The following WDR7 variants were observed in gnomAD, a reference collection of about 807,000 sequenced individuals.
WDR7 encodes WD repeat-containing protein 7.
WDR7 carries 46 observed loss-of-function variants against 169.4 expected under a neutral mutation model. The observed-to-expected ratio is 0.27, with a 90% CI of 0.21 to 0.35. WDR7 has a LOEUF of 0.35. WDR7 is among the 10% of genes least tolerant of loss of function. WDR7 has a pLI of 1.00. For missense variants in WDR7, 1,534 were observed against 1,859.3 expected (o/e 0.83, Z 3.22); for synonymous variants, 612 against 666.8 (o/e 0.92, Z 1.27).
At chr18:56,858,294 TA>T (rs2045752853) in intron 20 of WDR7, among the ~76,000 whole-genome samples, 1 of 152,170 alleles carries the variant, frequency 6.6e-6, no homozygotes, top group South Asian at 2.1e-4. Context: ...ACCCTTTTAG[TA>T]GCTACTGCCT....
intron 20 of WDR7, among the ~76,000 whole-genome samples, chr18:56,874,609 A>G (rs1232519267): frequency 3.3e-5 from 5 of 152,134 alleles, no homozygotes; most frequent in Non-Finnish European, 5.9e-5. Flanking sequence ...GAAATATCCT[A>G]TACAAAATTC....
At chr18:57,014,786 C>T (rs1253486964) in intron 26 of WDR7, among the ~76,000 whole-genome samples, 1 of 151,746 alleles carries the variant, frequency 6.6e-6, no homozygotes, top group East Asian at 1.9e-4. Flanking sequence ...AAGGAAAATC[C>T]ACTGAAATTA....
intron 14 of WDR7, among the ~76,000 whole-genome samples, chr18:56,744,217 T>C (rs1231110946): frequency 5.0e-5 from 6 of 119,244 alleles, no homozygotes; most frequent in Non-Finnish European, 6.4e-5. Flanking sequence ...CCAGCCTGGG[T>C]GACAGAGCGA....
chr18:56,985,450 G>A (rs1194989328), intron 26 of WDR7, among the ~76,000 whole-genome samples: 1 of 152,132 alleles, frequency 6.6e-6, no homozygotes, highest in Admixed American at 6.6e-5. Flanking sequence ...ATTTGTTATA[G>A]TGAATGGGGA....
intron 14 of WDR7, among the ~76,000 whole-genome samples, chr18:56,744,482 A>G (rs1176908467): frequency 6.6e-6 from 1 of 152,096 alleles, no homozygotes; most frequent in Non-Finnish European, 1.5e-5. Context: ...GTAAGGATTC[A>G]CTGAATTTGT....
intron 1 of WDR7, among the ~76,000 whole-genome samples, chr18:56,656,259 T>A (rs1358175999): frequency 6.6e-6 from 1 of 151,734 alleles, no homozygotes; most frequent in Admixed American, 6.6e-5. Context: ...CGTCTTCCAC[T>A]AGCATTTGAT....
intron 18 of WDR7, among the ~76,000 whole-genome samples, chr18:56,781,125 G>C (rs759408753): frequency 6.6e-6 from 1 of 151,916 alleles, no homozygotes; most frequent in South Asian, 2.1e-4. Context: ...AATAGATAAG[G>C]TTAACTTCAA....
intron 27 of WDR7, among the ~76,000 whole-genome samples, chr18:57,021,094 A>G (rs138978963): frequency 1.3e-5 from 2 of 152,376 alleles, no homozygotes; most frequent in East Asian, 3.9e-4. Flanking sequence ...TGAAGTAGAC[A>G]TACATAAATA....
At chr18:56,938,027 T>C (rs1293053223) in intron 23 of WDR7, among the ~76,000 whole-genome samples, 8 of 152,178 alleles carry the variant, frequency 5.3e-5, no homozygotes, top group Admixed American at 6.5e-5. Flanking sequence ...AAGGTCTTCA[T>C]CCTTGTCATC....
At chr18:56,977,855 G>T (rs2047589465) in intron 26 of WDR7, among the ~76,000 whole-genome samples, 1 of 152,192 alleles carries the variant, frequency 6.6e-6, no homozygotes, top group Admixed American at 6.5e-5. Flanking sequence ...AAAGCCTCCT[G>T]AGTCTCTGGG....
At chr18:56,877,475 C>T (rs949950570) in intron 20 of WDR7, among the ~76,000 whole-genome samples, 1 of 152,140 alleles carries the variant, frequency 6.6e-6, no homozygotes, top group African/African-American at 2.4e-5. Flanking sequence ...AGGGGGACCT[C>T]AGGGACTGAG....
At chr18:56,695,247 C>T (rs2025673374) in intron 11 of WDR7, 49 bp downstream of exon 11, 2 of 1,572,318 alleles carry the variant, frequency 1.3e-6, no homozygotes, top group African/African-American at 2.7e-5. Flanking sequence ...AACTCTTACC[C>T]AGAGAGTGAA....
At chr18:56,726,886 A>G (rs773199447) in intron 13 of WDR7, among the ~76,000 whole-genome samples, 22 of 152,038 alleles carry the variant, frequency 1.4e-4, no homozygotes, top group Non-Finnish European at 2.6e-4. Flanking sequence ...GTACCCTGTA[A>G]TCTTTTCAAG....
chr18:56,761,896 C>T (rs992090910), intron 16 of WDR7, among the ~76,000 whole-genome samples: 1 of 151,902 alleles, frequency 6.6e-6, no homozygotes. Context: ...TCTGGGGATT[C>T]CTTTGAATGT....
At chr18:56,858,905 A>G (rs953519056) in intron 20 of WDR7, among the ~76,000 whole-genome samples, 1 of 152,194 alleles carries the variant, frequency 6.6e-6, no homozygotes, top group Non-Finnish European at 1.5e-5. Context: ...AGTAAGTAGA[A>G]TAAATTAGTG....
intron 20 of WDR7, among the ~76,000 whole-genome samples, chr18:56,863,608 AT>A (rs1186112137): frequency 6.6e-6 from 1 of 151,718 alleles, no homozygotes; most frequent in Non-Finnish European, 1.5e-5. Flanking sequence ...ATTTTTATTT[AT>A]TGCAAAAGTA....
At chr18:56,878,420 A>C (rs931047377) in intron 20 of WDR7, among the ~76,000 whole-genome samples, 2 of 152,016 alleles carry the variant, frequency 1.3e-5, no homozygotes, top group African/African-American at 4.8e-5. Context: ...TTTTTCATGC[A>C]CTTGTGAGAT....
At chr18:56,968,925 C>T (rs911944733) in intron 26 of WDR7, among the ~76,000 whole-genome samples, 2 of 152,156 alleles carry the variant, frequency 1.3e-5, no homozygotes, top group African/African-American at 4.8e-5. Context: ...CTCTACTGCC[C>T]AGGATACAGA....
At chr18:57,012,740 G>A (rs77088889) in intron 26 of WDR7, among the ~76,000 whole-genome samples, 4,580 of 152,258 alleles carry the variant, frequency 0.03, 101 homozygotes, top group Middle Eastern at 0.044. Flanking sequence ...GTCAAGCTAC[G>A]GAAATTGAAG....
Sources: allele counts gnomAD v4.1 joint callset (sites outside exome capture counted in the v4.1 genomes callset), GRCh38; gene constraint gnomAD v4.1.1; transcripts MANE v1.5; gene names NCBI Gene and HGNC (gene_info 2026-07-23, HGNC 2026-07-21).